Variants in MID1 observed in about 807,000 individuals in gnomAD.
MID1 encodes midline 1, also known as E3 ubiquitin-protein ligase Midline-1.
Under a neutral mutation model 40.4 loss-of-function variants are expected in MID1, and 7 were observed. The observed-to-expected ratio is 0.17, with a 90% CI of 0.10 to 0.33. MID1 has a LOEUF of 0.33. MID1 is among the 10% of genes least tolerant of loss of function. MID1 has a pLI of 1.00. For missense variants in MID1, 367 were observed against 558.5 expected (o/e 0.66, Z 3.46); for synonymous variants, 229 against 221.2 (o/e 1.04, Z -0.31).
At chrX:10,798,908 T>C (rs1225542579) in intron 1 of MID1, among the ~76,000 whole-genome samples, 1 of 111,805 alleles carries the variant, frequency 8.9e-6, no homozygotes, top group Non-Finnish European at 1.9e-5. Context: ...ACACCACATA[T>C]TGGGGTAAGA....
intron 2 of MID1, among the ~76,000 whole-genome samples, chrX:10,564,480 C>T (rs770805015): frequency 5.4e-5 from 6 of 111,668 alleles, no homozygotes; most frequent in Non-Finnish European, 7.5e-5. Flanking sequence ...TCTTATTGAA[C>T]GGCTGTAAAT....
chrX:10,506,197 GAA>G (rs1931822214), intron 3 of MID1: 1 of 953,830 alleles, frequency 1.0e-6, no homozygotes, highest in Non-Finnish European at 1.3e-6. Flanking sequence ...CAAACACAAT[GAA>G]AGAGACTTGA....
intron 1 of MID1, among the ~76,000 whole-genome samples, chrX:10,790,117 A>T (rs1163864232): frequency 9.0e-6 from 1 of 110,531 alleles, no homozygotes; most frequent in Non-Finnish European, 1.9e-5. Flanking sequence ...TGACCTAAAT[A>T]TCACACCCTA....
At chrX:10,780,847 A>G (rs1041011901) in intron 1 of MID1, among the ~76,000 whole-genome samples, 1 of 111,721 alleles carries the variant, frequency 9.0e-6, no homozygotes, top group African/African-American at 3.3e-5. Context: ...ATCAGGCATT[A>G]GTTAGATTCT....
chrX:10,668,809 T>C (rs1158407820), intron 1 of MID1, among the ~76,000 whole-genome samples: 1 of 112,720 alleles, frequency 8.9e-6, no homozygotes, highest in Admixed American at 9.4e-5. Context: ...TTGAATAAAA[T>C]AATTTTTCAT....
intron 3 of MID1, among the ~76,000 whole-genome samples, chrX:10,510,154 A>G (rs1398852699): frequency 8.9e-6 from 1 of 112,353 alleles, no homozygotes; most frequent in Non-Finnish European, 1.9e-5. Flanking sequence ...CCATTAAACA[A>G]TCAATTCTGT....
intron 1 of MID1, among the ~76,000 whole-genome samples, chrX:10,697,217 T>G (rs1281024907): frequency 1.8e-5 from 2 of 111,644 alleles, no homozygotes; most frequent in African/African-American, 3.3e-5. Context: ...TTCGCAGGGC[T>G]ACTCTCAGTG....
Position 10,704,827 on chromosome X carries a change from C to T in MID1, c.-186-84408G>A, listed in dbSNP as rs113378915. ...TCACCCAGGCTGGAGTGCAGTGGCGCGATCTAGGCTCACTCCAACCTCTGC... is the reference window on the plus strand; with the variant it reads ...TCACCCAGGCTGGAGTGCAGTGGCGTGATCTAGGCTCACTCCAACCTCTGC... On this transcript the variant is annotated intron_variant, in intron 1 of 10. Transcript: ENST00000380785. 4.3e-3 allele frequency among the ~76,000 whole-genome samples: 456 copies of T among 105,326 alleles called. 2 individuals are homozygous for T. The highest frequency in any genetic ancestry group is 0.015 in the African/African-American group (429 of 29,026). 91.5% of individuals were successfully genotyped at this position (105,326 alleles called of 115,157 possible). A position where few individuals can be genotyped will look rare whatever the true frequency, so the allele number is the denominator to read the frequency against.
chrX:10,550,040 A>G (rs963596084), intron 2 of MID1, among the ~76,000 whole-genome samples: 3 of 113,130 alleles, frequency 2.7e-5, no homozygotes, highest in African/African-American at 9.6e-5. Context: ...ATATAAATAT[A>G]AATGGTTCCT....
chrX:10,682,018 A>G, intron 1 of MID1, among the ~76,000 whole-genome samples: 1 of 111,768 alleles, frequency 8.9e-6, no homozygotes, highest in East Asian at 2.8e-4. Context: ...TCAAAATGTT[A>G]ATATGAGTTG....
At chrX:10,720,904 T>A in intron 1 of MID1, among the ~76,000 whole-genome samples, 1 of 109,595 alleles carries the variant, frequency 9.1e-6, no homozygotes, top group Non-Finnish European at 1.9e-5. Flanking sequence ...TGTAGGGACA[T>A]GGATGAAGCT....
chrX:10,741,443 A>G (rs1045177981), intron 1 of MID1, among the ~76,000 whole-genome samples: 8 of 107,210 alleles, frequency 7.5e-5, no homozygotes, highest in Non-Finnish European at 1.1e-4. Flanking sequence ...GGACGAGGGC[A>G]TGCTTTCTTT....
chrX:10,730,275 A>G (rs766560820), intron 1 of MID1, among the ~76,000 whole-genome samples: 77 of 110,771 alleles, frequency 7.0e-4, no homozygotes, highest in African/African-American at 2.5e-3. Context: ...GAAGAATATG[A>G]GGATATGTAA....
At chrX:10,488,214 C>G (rs749295734) in intron 4 of MID1, among the ~76,000 whole-genome samples, 3 of 110,861 alleles carry the variant, frequency 2.7e-5, no homozygotes, top group African/African-American at 6.6e-5. Flanking sequence ...AACTCCTGAG[C>G]TCAAAGCAAT....
Position 10,803,213 on chromosome X carries a change from A to C in MID1, c.-187+30341T>G, listed in dbSNP as rs2044021131. 2.7e-5 allele frequency among the ~76,000 whole-genome samples: 3 copies of C among 111,342 alleles called. No homozygotes were observed. In the South Asian group the frequency reaches 1.1e-3, roughly 43 times the overall value. ...TAAAAATAAAAAATAAAAATAAAAC[A>C]ACCATAGAGATATTTTAGAAAGCAA... On this transcript the variant is annotated intron_variant, in intron 1 of 10. Transcript: ENST00000380785.
At chrX:10,586,151 G>A (rs1935137375) in intron 1 of MID1, among the ~76,000 whole-genome samples, 1 of 111,601 alleles carries the variant, frequency 9.0e-6, no homozygotes, top group South Asian at 3.8e-4. Flanking sequence ...TATAATAACT[G>A]TAAAATAATA....
intron 2 of MID1, among the ~76,000 whole-genome samples, chrX:10,558,933 T>C (rs1488162236): frequency 8.9e-6 from 1 of 111,961 alleles, no homozygotes; most frequent in Non-Finnish European, 1.9e-5. Context: ...CAATAATAAA[T>C]CACTAGGCAA....
chrX:10,769,873 G>A (rs911621830), intron 1 of MID1, among the ~76,000 whole-genome samples: 1 of 111,600 alleles, frequency 9.0e-6, no homozygotes, highest in Non-Finnish European at 1.9e-5. Context: ...AATTCATTGT[G>A]GCATCAGGGC....
At chrX:10,702,432 G>A (rs1037285439) in intron 1 of MID1, among the ~76,000 whole-genome samples, 1 of 112,145 alleles carries the variant, frequency 8.9e-6, no homozygotes. Context: ...TTTAAACTGA[G>A]TCTGATGAAT....
Sources: gnomAD v4.1 joint callset for allele counts (sites outside exome capture counted in the v4.1 genomes callset) on GRCh38, gnomAD v4.1.1 for gene constraint, MANE v1.5 for transcripts, NCBI Gene and HGNC (gene_info 2026-07-23, HGNC 2026-07-21) for gene names.